The following CHN2 variants were observed in gnomAD, a reference collection of about 807,000 sequenced individuals.
CHN2 encodes beta-chimaerin.
CHN2 carries 35 observed loss-of-function variants against 56.3 expected under a neutral mutation model. That is an observed-to-expected ratio of 0.62 (90% confidence interval 0.47 to 0.82). The LOEUF (loss-of-function observed/expected upper bound fraction) is 0.82. Ranked by LOEUF, CHN2 falls within the 40% of genes least tolerant of loss-of-function variation. The probability of loss-of-function intolerance (pLI) is 0.00; values close to 1 mark genes in which losing one functional copy is unlikely to be tolerated. For synonymous variants in CHN2, 210 were observed against 212.8 expected (o/e 0.99, Z 0.12); for missense variants, 491 against 580.5 (o/e 0.85, Z 1.58).
intron 1 of CHN2, chr7:29,212,782 T>TA (rs1246293121): frequency 6.2e-7 from 1 of 1,609,982 alleles, no homozygotes; most frequent in East Asian, 2.2e-5. Flanking sequence ...GGCCGAAGAA[T>TA]AGCAATGGTG....
chr7:29,456,055 CTGTT>C lies in CHN2; in HGVS notation c.577-24221_577-24218del, dbSNP rs201977130. Among the ~76,000 whole-genome samples the C allele has an allele frequency of 3.5e-3, 537 of 152,300 alleles. 3 individuals carry two copies. The highest frequency in any genetic ancestry group is 0.023 in the Admixed American group (352 of 15,298). On this transcript the variant is annotated intron_variant, in intron 6 of 12. Coordinates refer to ENST00000222792, the MANE Select transcript of CHN2 (RefSeq NM_004067.4). ...AATAATAACTCTATCATAATATTGA[CTGTT>C]TGGGGGCCAAGCCAGACTTGTCCCT...
chr7:29,210,739 A>T (rs1784851655), intron 1 of CHN2, among the ~76,000 whole-genome samples: 1 of 152,066 alleles, frequency 6.6e-6, no homozygotes, highest in Non-Finnish European at 1.5e-5. Flanking sequence ...CTGAGTGTTA[A>T]GTTTAGTGGT....
intron 6 of CHN2, among the ~76,000 whole-genome samples, chr7:29,476,175 T>C (rs4722912): frequency 0.68 from 102,866 of 151,956 alleles, 34,956 homozygotes; most frequent in East Asian, 0.77. Context: ...TCCATTTCCT[T>C]ATCTGTAAAA....
chr7:29,268,752 C>T (rs1392258443), intron 1 of CHN2, among the ~76,000 whole-genome samples: 2 of 152,338 alleles, frequency 1.3e-5, no homozygotes, highest in East Asian at 1.9e-4. Context: ...AACACCCATC[C>T]TCAGCAGCCT....
chr7:29,514,186 T>G lies in CHN2; in HGVS notation c.*1451T>G, dbSNP rs1392609148. On this transcript the variant is annotated 3_prime_UTR_variant, in exon 13 of 13. Coordinates refer to ENST00000222792, the MANE Select transcript of CHN2 (RefSeq NM_004067.4). ...CCTCCTCCCAACTGTACAGATTTGTTTGTTGTAGTTTATGTACTTCTTGAT... is the reference window on the plus strand; with the variant it reads ...CCTCCTCCCAACTGTACAGATTTGTGTGTTGTAGTTTATGTACTTCTTGAT... 1.3e-5 allele frequency: 2 copies of G among 152,634 alleles called. No individual in the cohort carries two copies. The highest frequency in any genetic ancestry group is 4.8e-5 in the African/African-American group (2 of 41,446). 9.5% of individuals were successfully genotyped at this position (152,634 alleles called of 1,614,324 possible).
At chr7:29,225,423 G>T (rs935913075) in intron 1 of CHN2, among the ~76,000 whole-genome samples, 4 of 152,236 alleles carry the variant, frequency 2.6e-5, no homozygotes, top group Non-Finnish European at 4.4e-5. Context: ...ATACAGTGAT[G>T]AAGTTCCCAG....
rs569682326 is a variant in CHN2 at position 29,330,076 on chromosome 7, C to T, written c.50-24549C>T. Among the ~76,000 whole-genome samples the T allele has an allele frequency of 3.9e-5, 6 of 152,320 alleles. No homozygotes were observed. The South Asian group carries it at 6.2e-4, about 16-fold the overall frequency. On this transcript the variant is annotated intron_variant, in intron 1 of 12. Coordinates refer to ENST00000222792, the MANE Select transcript of CHN2 (RefSeq NM_004067.4). ...ATTTCCCTATTTCTCAAAGTACCTA[C>T]GTCAACAGCTGGTCAGGTTGTTGTA...
At chr7:29,302,964 C>T (rs546949778) in intron 1 of CHN2, among the ~76,000 whole-genome samples, 6 of 152,204 alleles carry the variant, frequency 3.9e-5, no homozygotes, top group Non-Finnish European at 5.9e-5. Flanking sequence ...CCATTATACA[C>T]ACGTATACAC....
At chr7:29,304,364 G>A (rs1055746776) in intron 1 of CHN2, among the ~76,000 whole-genome samples, 9 of 152,058 alleles carry the variant, frequency 5.9e-5, no homozygotes, top group Non-Finnish European at 8.8e-5. Flanking sequence ...ATGACTGAAG[G>A]AGCAAATAAA....
At chr7:29,333,857 A>G (rs1025038105) in intron 1 of CHN2, among the ~76,000 whole-genome samples, 1 of 152,166 alleles carries the variant, frequency 6.6e-6, no homozygotes, top group Non-Finnish European at 1.5e-5. Context: ...GTCAGGGACC[A>G]GATGAGTGTG....
intron 1 of CHN2, among the ~76,000 whole-genome samples, chr7:29,221,315 C>G (rs570272512): frequency 1.3e-5 from 2 of 152,232 alleles, no homozygotes; most frequent in East Asian, 3.9e-4. Flanking sequence ...AATAATGTGA[C>G]TTTAACAAGA....
chr7:29,415,738 A>G (rs2128101182), intron 6 of CHN2, among the ~76,000 whole-genome samples: 1 of 152,316 alleles, frequency 6.6e-6, no homozygotes, highest in Non-Finnish European at 1.5e-5. Context: ...TGTGATTTTT[A>G]GAAGGATACA....
At chr7:29,511,005 A>G (rs1461936809) in intron 12 of CHN2, among the ~76,000 whole-genome samples, 2 of 152,144 alleles carry the variant, frequency 1.3e-5, no homozygotes, top group African/African-American at 4.8e-5. Flanking sequence ...GTGTTATAAC[A>G]TTGGAGGGAT....
Position 29,275,266 on chromosome 7 carries a change from ATTGGTGTCTCTGAAAC to A in CHN2, c.50-79353_50-79338del, listed in dbSNP as rs1410791199. Reference sequence around the variant, plus strand: ...AGATATCAGACATTATTGTAATATTATTGGTGTCTCTGAAACTTGGTTTTCTCATCTGCAAAGTAGG... The same window carrying A: ...AGATATCAGACATTATTGTAATATTATTGGTTTTCTCATCTGCAAAGTAGG... On this transcript the variant is annotated intron_variant, in intron 1 of 12. Coordinates refer to ENST00000222792, the MANE Select transcript of CHN2 (RefSeq NM_004067.4). 3.3e-5 allele frequency among the ~76,000 whole-genome samples: 5 copies of A among 152,228 alleles called. No individual in the cohort carries two copies. The East Asian group carries it at 7.7e-4, about 23-fold the overall frequency.
chr7:29,308,001 A>G (rs931660707), intron 1 of CHN2, among the ~76,000 whole-genome samples: 4 of 152,228 alleles, frequency 2.6e-5, no homozygotes, highest in African/African-American at 9.6e-5. Context: ...TTAGCACTGC[A>G]TCTTTCTGGA....
In CHN2 at chr7:29,398,353, T is replaced by C. The variant is rs1230605835; in HGVS notation, c.177-20T>C. The C allele has an allele frequency of 3.2e-6, 5 of 1,560,756 alleles. No individual in the cohort carries two copies. The highest frequency in any genetic ancestry group is 4.4e-6 in the Non-Finnish European group (5 of 1,133,510). ...TCTGTATGTGGTCTGTTCAGAGCAT[T>C]GATGGTCTTGTACCTTCAGGTTTCA... On this transcript the variant is annotated intron_variant, in intron 4 of 12. Coordinates refer to ENST00000222792, the MANE Select transcript of CHN2 (RefSeq NM_004067.4).
intron 1 of CHN2, among the ~76,000 whole-genome samples, chr7:29,275,410 G>T (rs369865890): frequency 6.6e-6 from 1 of 152,164 alleles, no homozygotes; most frequent in African/African-American, 2.4e-5. Flanking sequence ...TTGAGGACAA[G>T]TCAAGAGAAC....
intron 6 of CHN2, among the ~76,000 whole-genome samples, chr7:29,445,918 C>T (rs1000990116): frequency 6.6e-6 from 1 of 152,012 alleles, no homozygotes; most frequent in African/African-American, 2.4e-5. Flanking sequence ...GCAAGGGCCC[C>T]CGAGATTCTT....
chr7:29,409,662 A>G (rs139894751), intron 6 of CHN2, among the ~76,000 whole-genome samples: 59 of 152,358 alleles, frequency 3.9e-4, no homozygotes, highest in Non-Finnish European at 6.9e-4. Context: ...TTTAAAATAT[A>G]TACTAGACCA....
Sources: gnomAD v4.1 joint callset for allele counts (sites outside exome capture counted in the v4.1 genomes callset) on GRCh38, gnomAD v4.1.1 for gene constraint, MANE v1.5 for transcripts, NCBI Gene and HGNC (gene_info 2026-07-23, HGNC 2026-07-21) for gene names.